Variants in ESRRB observed in about 807,000 individuals in gnomAD.
ESRRB encodes the protein steroid hormone receptor ERR2.
A neutral mutation model predicts 46.0 loss-of-function variants in ESRRB; 16 were observed. The observed-to-expected ratio is 0.35, with a 90% CI of 0.24 to 0.53. ESRRB has a LOEUF of 0.53. Ranked by LOEUF, ESRRB falls within the 20% of genes least tolerant of loss-of-function variation. The pLI is 0.93. For missense variants in ESRRB, 488 were observed against 607.4 expected, an observed-to-expected ratio of 0.80 and a Z score of 2.07; for synonymous variants, 246 against 259.6, an observed-to-expected ratio of 0.95 and a Z score of 0.50.
At chr14:76,370,355 G>A (rs945252127), upstream of ESRRB, among the ~76,000 whole-genome samples, 4 of 151,742 alleles carry the variant, frequency 2.6e-5, no homozygotes, top group Admixed American at 6.6e-5. Context: ...CTGAGATCAC[G>A]CCATTGTACT....
intron 1 of ESRRB, among the ~76,000 whole-genome samples, chr14:76,400,536 G>A (rs1397924564): frequency 1.3e-5 from 2 of 152,212 alleles, no homozygotes; most frequent in African/African-American, 4.8e-5. Context: ...TGTGATGCTT[G>A]TACTAGGTTG....
At chr14:76,477,419 C>T (rs1379399485) in intron 3 of ESRRB, among the ~76,000 whole-genome samples, 1 of 152,210 alleles carries the variant, frequency 6.6e-6, no homozygotes, top group African/African-American at 2.4e-5. Context: ...ACTGGAACTG[C>T]TTTCCAGCTT....
chr14:76,453,167 G>A (rs534442651), intron 2 of ESRRB, among the ~76,000 whole-genome samples: 1 of 152,358 alleles, frequency 6.6e-6, no homozygotes, highest in African/African-American at 2.4e-5. Context: ...TTTAGAAGGA[G>A]AAGGGTTGAG....
intron 1 of ESRRB, among the ~76,000 whole-genome samples, chr14:76,411,966 G>T (rs1027437235): frequency 2.6e-5 from 4 of 152,126 alleles, no homozygotes; most frequent in African/African-American, 9.7e-5. Context: ...GTATACAAAA[G>T]ATGCTCAATA....
chr14:76,456,477 T>C (rs548774275), intron 2 of ESRRB, among the ~76,000 whole-genome samples: 1 of 151,954 alleles, frequency 6.6e-6, no homozygotes, highest in Non-Finnish European at 1.5e-5. Context: ...GGGTGATGAG[T>C]GTGGAACTAG....
intron 1 of ESRRB, among the ~76,000 whole-genome samples, chr14:76,365,571 G>T (rs1884512730): frequency 6.6e-6 from 1 of 152,184 alleles, no homozygotes; most frequent in South Asian, 2.1e-4. Flanking sequence ...GAGACACAAA[G>T]TGTGCCTAAG....
Position 76,496,664 on chromosome 14 carries a change from G to A in ESRRB, c.1121-1550G>A, listed in dbSNP as rs1890442086. ...TGTGTTGGCTGGAGGAGGGATGGGTGCCAGGAGACCATTGAGGTGTCCTAG... is the reference window on the plus strand; with the variant it reads ...TGTGTTGGCTGGAGGAGGGATGGGTACCAGGAGACCATTGAGGTGTCCTAG... On this transcript the variant is annotated intron_variant, in intron 6 of 6. Coordinates refer to ENST00000644823, the MANE Select transcript of ESRRB (RefSeq NM_001379180.1). 2.0e-5 allele frequency among the ~76,000 whole-genome samples: 3 copies of A among 152,198 alleles called. 1 individual carries two copies. In the South Asian group the frequency reaches 6.2e-4, roughly 32 times the overall value.
At chr14:76,445,679 C>T (rs1184859266) in intron 2 of ESRRB, among the ~76,000 whole-genome samples, 1 of 149,406 alleles carries the variant, frequency 6.7e-6, no homozygotes, top group African/African-American at 2.5e-5. Context: ...TCCTTCTCCA[C>T]CAATCTTTTT....
intron 1 of ESRRB, among the ~76,000 whole-genome samples, chr14:76,395,187 A>T (rs12586411): frequency 0.37 from 55,997 of 152,080 alleles, 10,861 homozygotes; most frequent in Middle Eastern, 0.48. Flanking sequence ...TATCTGGCTC[A>T]TGCTGGTCTT....
At chr14:76,355,923 G>T (rs560618824) in intron 1 of ESRRB, among the ~76,000 whole-genome samples, 1 of 152,300 alleles carries the variant, frequency 6.6e-6, no homozygotes, top group African/African-American at 2.4e-5. Context: ...GTGTGCAGAG[G>T]ATCAGATGAC....
At chr14:76,493,303 C>T (rs1890298241) in intron 6 of ESRRB, among the ~76,000 whole-genome samples, 1 of 152,074 alleles carries the variant, frequency 6.6e-6, no homozygotes, top group African/African-American at 2.4e-5. Context: ...TACATGCGTG[C>T]ACCGCCACAC....
At chr14:76,314,909 C>A (rs1006944235) in intron 1 of ESRRB, among the ~76,000 whole-genome samples, 9 of 152,022 alleles carry the variant, frequency 5.9e-5, no homozygotes, top group African/African-American at 1.9e-4. Context: ...GGCAGGAATC[C>A]CTGATACAAG....
intron 6 of ESRRB, chr14:76,495,543 C>T (rs199511480): frequency 3.8e-5 from 5 of 131,710 alleles, no homozygotes; most frequent in Admixed American, 1.5e-4. Context: ...GCTGGCTAGT[C>T]TTTTTTTTTT....
chr14:76,389,932 C>A (rs1177396799), intron 1 of ESRRB, among the ~76,000 whole-genome samples: 1 of 152,210 alleles, frequency 6.6e-6, no homozygotes, highest in African/African-American at 2.4e-5. Context: ...TGAGCTGCTG[C>A]CTGTCTCTTC....
intron 3 of ESRRB, among the ~76,000 whole-genome samples, chr14:76,473,800 G>T (rs902209291): frequency 6.6e-6 from 1 of 152,232 alleles, no homozygotes; most frequent in Non-Finnish European, 1.5e-5. Context: ...GATGTGTAAG[G>T]TGCCGGCTGT....
intron 1 of ESRRB, among the ~76,000 whole-genome samples, chr14:76,377,234 G>T (rs1884810361): frequency 6.6e-6 from 1 of 152,212 alleles, no homozygotes; most frequent in Admixed American, 6.5e-5. Flanking sequence ...CAGAAACCGC[G>T]GGTCTCCAGC....
At chr14:76,339,782 T>C (rs1288102156) in intron 1 of ESRRB, among the ~76,000 whole-genome samples, 5 of 152,112 alleles carry the variant, frequency 3.3e-5, no homozygotes, top group African/African-American at 1.2e-4. Flanking sequence ...GCTGCCTCTA[T>C]GGCCCCAGGA....
intron 1 of ESRRB, among the ~76,000 whole-genome samples, chr14:76,388,342 C>A (rs771147112): frequency 1.3e-5 from 2 of 151,974 alleles, no homozygotes; most frequent in Non-Finnish European, 2.9e-5. Context: ...CCATGCCTGG[C>A]TAATTTTTTG....
intron 1 of ESRRB, among the ~76,000 whole-genome samples, chr14:76,329,481 C>T (rs1240022326): frequency 6.6e-6 from 1 of 152,172 alleles, no homozygotes; most frequent in Non-Finnish European, 1.5e-5. Context: ...CTGACCTATG[C>T]AAACACAAGC....
Sources: allele counts gnomAD v4.1 joint callset (sites outside exome capture counted in the v4.1 genomes callset), GRCh38; gene constraint gnomAD v4.1.1; transcripts MANE v1.5; gene names NCBI Gene and HGNC (gene_info 2026-07-23, HGNC 2026-07-21).